Variants in DOCK1 observed in about 807,000 individuals in gnomAD.
DOCK1 encodes the protein dedicator of cytokinesis 1.
A neutral mutation model predicts 262.7 loss-of-function variants in DOCK1; 138 were observed. The ratio of observed to expected loss-of-function variants is 0.53; its 90% confidence interval spans 0.46 to 0.61. The LOEUF (loss-of-function observed/expected upper bound fraction) is 0.61, where lower values mean the gene tolerates loss of function less well. Ranked by LOEUF, DOCK1 falls within the 20% of genes least tolerant of loss-of-function variation. The pLI is 0.00. For missense variants in DOCK1, 1,908 were observed against 2,370.7 expected (o/e 0.80, Z 4.05); for synonymous variants, 866 against 867.4 (o/e 1.00, Z 0.03).
intron 27 of DOCK1, among the ~76,000 whole-genome samples, chr10:127,163,799 C>CTTTTTTT (rs531750560): frequency 7.7e-6 from 1 of 129,228 alleles, no homozygotes; most frequent in Non-Finnish European, 1.7e-5. Flanking sequence ...TAAAGCCTTC[C>CTTTTTTT]TTTTTTTTTT....
At chr10:127,069,658 A>G (rs1253124773) in intron 23 of DOCK1, among the ~76,000 whole-genome samples, 2 of 152,158 alleles carry the variant, frequency 1.3e-5, no homozygotes. Context: ...TCTAGGTCAC[A>G]TTGTCTGTAT....
At chr10:127,122,305 A>G (rs1486000696) in intron 25 of DOCK1, among the ~76,000 whole-genome samples, 2 of 152,168 alleles carry the variant, frequency 1.3e-5, no homozygotes, top group Admixed American at 6.5e-5. Flanking sequence ...GCCTGGAGGC[A>G]TGGTTGAAAT....
intron 15 of DOCK1, among the ~76,000 whole-genome samples, chr10:127,025,691 C>A (rs143577772): frequency 0.01 from 1,547 of 152,116 alleles, 27 homozygotes; most frequent in African/African-American, 0.035. Context: ...CTCAAGTGAT[C>A]CACCCTCCTC....
intron 2 of DOCK1, among the ~76,000 whole-genome samples, chr10:126,975,743 G>A (rs1172671203): frequency 2.0e-5 from 3 of 150,648 alleles, no homozygotes; most frequent in African/African-American, 4.9e-5. Flanking sequence ...TCAGCTTCCC[G>A]AGTACCTGGT....
At chr10:127,005,962 A>G (rs1443896286) in intron 10 of DOCK1, among the ~76,000 whole-genome samples, 1 of 152,130 alleles carries the variant, frequency 6.6e-6, no homozygotes, top group Non-Finnish European at 1.5e-5. Flanking sequence ...ATGTCCTTTT[A>G]TTAAGCATTA....
At chr10:127,449,421 G>C (rs1408756240) in intron 51 of DOCK1, among the ~76,000 whole-genome samples, 1 of 152,110 alleles carries the variant, frequency 6.6e-6, no homozygotes, top group South Asian at 2.1e-4. Context: ...AATCAACTCC[G>C]GGGTAACATT....
At chr10:127,072,466 G>A (rs2046286806) in intron 23 of DOCK1, among the ~76,000 whole-genome samples, 1 of 152,192 alleles carries the variant, frequency 6.6e-6, no homozygotes, top group Non-Finnish European at 1.5e-5. Flanking sequence ...TATCATTGTG[G>A]ATTGTAGTCA....
chr10:126,988,839 G>A (rs1242887190), intron 5 of DOCK1, among the ~76,000 whole-genome samples: 1 of 152,126 alleles, frequency 6.6e-6, no homozygotes, highest in South Asian at 2.1e-4. Flanking sequence ...TAGGGAGGCC[G>A]AGGCGGATGG....
intron 25 of DOCK1, among the ~76,000 whole-genome samples, chr10:127,115,468 A>C (rs574541834): frequency 1.6e-4 from 24 of 152,344 alleles, no homozygotes; most frequent in African/African-American, 5.5e-4. Context: ...TTTCAAAGCA[A>C]GATAGATACA....
intron 27 of DOCK1, among the ~76,000 whole-genome samples, chr10:127,217,851 A>G (rs1317912635): frequency 6.6e-6 from 1 of 152,212 alleles, no homozygotes; most frequent in Non-Finnish European, 1.5e-5. Flanking sequence ...ATCCAACTCA[A>G]GTTAATTTTT....
chr10:127,293,483 A>G (rs1207584985), intron 29 of DOCK1, among the ~76,000 whole-genome samples: 1 of 152,194 alleles, frequency 6.6e-6, no homozygotes, highest in Non-Finnish European at 1.5e-5. Flanking sequence ...CTTGGTACAC[A>G]GAGCCCAGAC....
chr10:127,336,808 G>C (rs369874564), intron 29 of DOCK1, among the ~76,000 whole-genome samples: 87 of 152,208 alleles, frequency 5.7e-4, no homozygotes, highest in Middle Eastern at 3.4e-3. Flanking sequence ...CAAAGTGCTG[G>C]GATTACAGGC....
At chr10:127,044,183 T>A (rs1424524647) in intron 21 of DOCK1, among the ~76,000 whole-genome samples, 1 of 152,210 alleles carries the variant, frequency 6.6e-6, no homozygotes, top group Non-Finnish European at 1.5e-5. Context: ...GTCTTCAACA[T>A]ACTTTGCAAA....
chr10:127,162,727 T>C (rs2053694237), intron 27 of DOCK1, among the ~76,000 whole-genome samples: 1 of 152,190 alleles, frequency 6.6e-6, no homozygotes, highest in African/African-American at 2.4e-5. Flanking sequence ...TAGACCTTAA[T>C]GGACTTTGCT....
At chr10:127,343,569 T>G in intron 30 of DOCK1, 77 bp from the exon 31 acceptor site, 1 of 1,171,116 alleles carries the variant, frequency 8.5e-7, no homozygotes, top group Non-Finnish European at 1.2e-6. Context: ...GAGCAAATGA[T>G]AAATGTCTGA....
chr10:127,285,591 A>G (rs1292912099), intron 29 of DOCK1, among the ~76,000 whole-genome samples: 2 of 152,084 alleles, frequency 1.3e-5, no homozygotes, highest in Non-Finnish European at 2.9e-5. Context: ...CGTGCTGAGG[A>G]CCCTAGATGC....
chr10:127,402,754 T>C, intron 38 of DOCK1: 1 of 563,620 alleles, frequency 1.8e-6, no homozygotes, highest in Non-Finnish European at 3.4e-6. Flanking sequence ...GGGCCACAGC[T>C]GGCAGCAGGA....
At chr10:127,434,874 G>A (rs1227101465) in intron 48 of DOCK1, among the ~76,000 whole-genome samples, 6 of 151,996 alleles carry the variant, frequency 3.9e-5, no homozygotes, top group East Asian at 1.9e-4. Context: ...GGATGGTCTC[G>A]ATCTCCTGAC....
rs114888947 is a variant in DOCK1, at chr10:127,226,930, T to C, written c.2848-21078T>C. ...AAGTCACCCCGTCATGGCTCTGTCA[T>C]GCTGCATACACCACTGCTCCTTTAA... On this transcript the variant is annotated intron_variant, in intron 27 of 51. Transcript: ENST00000623213. Among the ~76,000 whole-genome samples, 918 of 152,266 alleles carry C rather than the reference T, an allele frequency of 6.0e-3. 15 individuals carry two copies. The highest frequency in any genetic ancestry group is 0.021 in the African/African-American group (873 of 41,556).
Sources: gnomAD v4.1 joint callset for allele counts (sites outside exome capture counted in the v4.1 genomes callset) on GRCh38, gnomAD v4.1.1 for gene constraint, MANE v1.5 for transcripts, NCBI Gene and HGNC (gene_info 2026-07-23, HGNC 2026-07-21) for gene names.